ADA2: variants seen among roughly 807,000 people sequenced by gnomAD.
ADA2 encodes adenosine deaminase 2.
ADA2 carries 29 observed loss-of-function variants against 44.2 expected under a neutral mutation model. The observed-to-expected ratio is 0.66, with a 90% CI of 0.49 to 0.89. ADA2 has a LOEUF of 0.89. Ranked by LOEUF, ADA2 falls within the 40% of genes least tolerant of loss-of-function variation. ADA2 has a pLI of 0.00. For missense variants in ADA2, 637 were observed against 644.8 expected, an observed-to-expected ratio of 0.99 and a Z score of 0.13; for synonymous variants, 215 against 234.9, an observed-to-expected ratio of 0.92 and a Z score of 0.77.
At chr22:17,214,057 AAAAT>A in intron 1 of ADA2, 1 of 499,390 alleles carries the variant, frequency 2.0e-6, no homozygotes, top group East Asian at 5.3e-5. Context: ...AAAAAAAAAA[AAAAT>A]AGCATCCAAA....
At chr22:17,190,594 G>GC (rs138145189) in intron 5 of ADA2, among the ~76,000 whole-genome samples, 3,377 of 152,336 alleles carry the variant, frequency 0.022, 124 homozygotes, top group African/African-American at 0.077. Flanking sequence ...TCTGGCGCAA[G>GC]CCCACGACAG....
rs2061976870 is a variant in ADA2, at chr22:17,182,034, G to T, written c.1240-12C>A. On this transcript the variant is annotated splice_polypyrimidine_tract_variant and intron_variant, in intron 8 of 9. Coordinates refer to ENST00000399837, the MANE Select transcript of ADA2 (RefSeq NM_001282225.2). ...ACCAGTTTCAGCACCTGCGCAATAG[G>T]AGGGAAGGGAGAAAGATGAACTCTG... The T allele has an allele frequency of 1.9e-6, 3 of 1,604,880 alleles. No homozygotes were observed. The highest frequency in any genetic ancestry group is 1.7e-5 in the Admixed American group (1 of 59,538).
intron 2 of ADA2, 67 bp from the exon 3 acceptor site, chr22:17,207,357 G>A (rs936660168): frequency 2.4e-5 from 28 of 1,182,834 alleles, no homozygotes; most frequent in Non-Finnish European, 2.7e-5. Context: ...CAGGGCTTGG[G>A]GACAAAGGAG....
chr22:17,216,042 T>A (rs959695411), intron 1 of ADA2, among the ~76,000 whole-genome samples: 10 of 150,870 alleles, frequency 6.6e-5, no homozygotes, highest in Non-Finnish European at 1.5e-4. Context: ...CAAAAATTAG[T>A]CAGGCGTGGT....
chr22:17,205,100 C>T (rs960140476), intron 3 of ADA2, among the ~76,000 whole-genome samples: 3 of 152,050 alleles, frequency 2.0e-5, no homozygotes, highest in Non-Finnish European at 4.4e-5. Flanking sequence ...TCTCTGCAAC[C>T]TCCGCCTCCC....
intron 4 of ADA2, among the ~76,000 whole-genome samples, chr22:17,197,148 G>A (rs537381725): frequency 6.6e-6 from 1 of 152,330 alleles, no homozygotes; most frequent in African/African-American, 2.4e-5. Context: ...ACTCCAGCCT[G>A]GACGACAGAT....
chr22:17,220,640 T>C (rs5747028), upstream of ADA2, among the ~76,000 whole-genome samples: 93,896 of 151,786 alleles, frequency 0.62, 29,351 homozygotes, highest in East Asian at 0.77. Flanking sequence ...CCATGTCACA[T>C]GCATGGTCTA....
chr22:17,199,416 T>TCCCCCCCCTCCTCTATCCTCTTCC, intron 4 of ADA2: 1 of 429,654 alleles, frequency 2.3e-6, no homozygotes, highest in Non-Finnish European at 4.4e-6. Flanking sequence ...TCTCAGCGTC[T>TCCCCCCCCTCCTCTATCCTCTTCC]CCTCCCTCCC....
chr22:17,216,758 CAAAA>C (rs869276201), intron 1 of ADA2, among the ~76,000 whole-genome samples: 6 of 139,286 alleles, frequency 4.3e-5, no homozygotes, highest in Admixed American at 7.1e-5. Context: ...GACTCCACCT[CAAAA>C]AAAAAAAAAA....
At chr22:17,221,452 G>T (rs968386087), upstream of ADA2, among the ~76,000 whole-genome samples, 1 of 143,542 alleles carries the variant, frequency 7.0e-6, no homozygotes. Context: ...CGACCCCCCC[G>T]ACAGGCCCTG....
At chr22:17,191,656 G>A (rs772769635) in intron 5 of ADA2, 27 bp downstream of exon 5, 40 of 1,471,148 alleles carry the variant, frequency 2.7e-5, no homozygotes, top group Middle Eastern at 3.7e-4. Flanking sequence ...CTCCCAACCC[G>A]AGCTTTTCAG....
intron 7 of ADA2, among the ~76,000 whole-genome samples, chr22:17,186,770 G>T (rs889958546): frequency 4.0e-5 from 6 of 151,842 alleles, no homozygotes; most frequent in African/African-American, 1.5e-4. Flanking sequence ...TCCAGAGGCT[G>T]AGGCAGAAGA....
intron 8 of ADA2, 96 bp downstream of exon 8, chr22:17,182,508 G>T: frequency 8.1e-7 from 1 of 1,235,006 alleles, no homozygotes; most frequent in Non-Finnish European, 1.2e-6. Context: ...TAACAAGAGA[G>T]TTAAGGAGAG....
At chr22:17,187,678 A>G (rs5748935) in intron 7 of ADA2, among the ~76,000 whole-genome samples, 32,031 of 150,584 alleles carry the variant, frequency 0.21, 4,380 homozygotes, top group East Asian at 0.59. Flanking sequence ...AAAAAAAAAA[A>G]AAAAGAAGAA....
intron 1 of ADA2, among the ~76,000 whole-genome samples, chr22:17,217,739 C>T (rs745776413): frequency 6.6e-6 from 1 of 152,042 alleles, no homozygotes; most frequent in African/African-American, 2.4e-5. Context: ...ACCTGGGAGG[C>T]GGAGGTTTCA....
intron 7 of ADA2, among the ~76,000 whole-genome samples, chr22:17,187,053 C>G (rs1298618592): frequency 6.6e-6 from 1 of 150,554 alleles, no homozygotes; most frequent in East Asian, 2.0e-4. Flanking sequence ...GTAGTCCCAG[C>G]TACTTGGGAG....
Position 17,191,597 on chromosome 22 carries a change from G to A in ADA2, c.881+86C>T, listed in dbSNP as rs752580362. 6.4e-5 allele frequency: 66 copies of A among 1,031,194 alleles called. No individual in the cohort carries two copies. The Admixed American group carries it at 6.9e-4, about 11-fold the overall frequency. The allele number at this position is 1,031,194 out of a possible 1,614,324, so 63.9% of individuals were successfully genotyped here. ...GGGCCTCTCCCGGCCTCCCAGCCCC[G>A]CTTCTCACCCCTCCCCTCCCAGCCT... On this transcript the variant is annotated intron_variant, in intron 5 of 9. Coordinates refer to ENST00000399837, the MANE Select transcript of ADA2 (RefSeq NM_001282225.2).
At chr22:17,199,447 CCA>C in intron 4 of ADA2, 2 of 1,119,264 alleles carry the variant, frequency 1.8e-6, no homozygotes, top group Non-Finnish European at 2.7e-6. Flanking sequence ...CTCTTCCCCT[CCA>C]CCCACGAAGA....
chr22:17,212,160 G>A (rs2062425954), intron 1 of ADA2, among the ~76,000 whole-genome samples: 1 of 151,864 alleles, frequency 6.6e-6, no homozygotes, highest in Admixed American at 6.6e-5. Context: ...GACTAGCTGG[G>A]ATTACAGACA....
Sources: gnomAD v4.1 joint callset for allele counts (sites outside exome capture counted in the v4.1 genomes callset) on GRCh38, gnomAD v4.1.1 for gene constraint, MANE v1.5 for transcripts, NCBI Gene and HGNC (gene_info 2026-07-23, HGNC 2026-07-21) for gene names.